OSBPL3: variants seen among roughly 807,000 people sequenced by gnomAD.
OSBPL3 encodes oxysterol binding protein like 3.
A neutral mutation model predicts 120.1 loss-of-function variants in OSBPL3; 65 were observed. The observed-to-expected ratio is 0.54, with a 90% CI of 0.44 to 0.67. The LOEUF is 0.67. Among genes scored for constraint, OSBPL3 ranks in the 30% least tolerant of loss-of-function variants. The pLI, the probability that OSBPL3 is intolerant of heterozygous loss-of-function variation, is 0.00. For missense variants in OSBPL3, 1,004 were observed against 1,082.1 expected (o/e 0.93, Z 1.01); for synonymous variants, 416 against 402.6 (o/e 1.03, Z -0.40).
chr7:24,877,587 C>T lies in OSBPL3; in HGVS notation c.97-5518G>A, dbSNP rs985317396. On this transcript the variant is annotated intron_variant, in intron 2 of 22. Coordinates refer to ENST00000313367, the MANE Select transcript of OSBPL3 (RefSeq NM_015550.4). The surrounding 1 kb of genome is among the most constrained non-coding windows in gnomAD (Gnocchi z 4.8). ...ATCCTACTACCTGGGAAATAGGGGC[C>T]GAAATAAATGTTTACTGAATGAGTC... Among the ~76,000 whole-genome samples the T allele has an allele frequency of 2.0e-5, 3 of 151,838 alleles. No homozygotes were observed. The highest frequency in any genetic ancestry group is 4.4e-5 in the Non-Finnish European group (3 of 67,980).
At chr7:24,927,433 C>T (rs1680254498) in intron 1 of OSBPL3, among the ~76,000 whole-genome samples, 1 of 152,148 alleles carries the variant, frequency 6.6e-6, no homozygotes, top group Non-Finnish European at 1.5e-5. Context: ...TCCTAGAGAA[C>T]AGAATAGCAC....
intron 13 of OSBPL3, among the ~76,000 whole-genome samples, chr7:24,841,920 G>A (rs1797823452): frequency 1.3e-5 from 2 of 151,140 alleles, no homozygotes; most frequent in African/African-American, 2.4e-5. Flanking sequence ...GGCTGAGGCT[G>A]GAGAATCACT....
rs1382629184 is a variant in OSBPL3 at position 24,797,872 on chromosome 7, T to TG, written c.*2310_*2311insC. On this transcript the variant is annotated 3_prime_UTR_variant, in exon 23 of 23. Coordinates refer to ENST00000313367, the MANE Select transcript of OSBPL3 (RefSeq NM_015550.4). This position sits in a 1 kb window ranked among gnomAD's most constrained non-coding sequence, Gnocchi z 4.8. ...ATGCCACGTTTCTGTTTTCTTCCTC[T>TG]TAAAACTATAAAATGTCCTAGAGAC... 6.6e-6 allele frequency: 1 copy of TG among 152,206 alleles called. No individual in the cohort carries two copies. Among genetic ancestry groups the TG allele is most frequent in the Non-Finnish European group, 1.5e-5 (1 of 68,026 alleles). 9.4% of individuals were successfully genotyped at this position (152,206 alleles called of 1,614,324 possible). A position where few individuals can be genotyped will look rare whatever the true frequency, so the allele number is the denominator to read the frequency against.
intron 1 of OSBPL3, among the ~76,000 whole-genome samples, chr7:24,934,282 A>G (rs989446683): frequency 6.6e-6 from 1 of 152,190 alleles, no homozygotes; most frequent in African/African-American, 2.4e-5. Context: ...CCCTTTCATT[A>G]TAATCCTTTC....
intron 10 of OSBPL3, among the ~76,000 whole-genome samples, chr7:24,857,232 A>T (rs56189454): frequency 2.6e-3 from 394 of 152,332 alleles, no homozygotes; most frequent in Admixed American, 4.2e-3. Flanking sequence ...TAGCTTTCAC[A>T]TTTGTGAATG....
At chr7:24,906,651 T>A (rs1807973726) in intron 1 of OSBPL3, 2 of 153,030 alleles carry the variant, frequency 1.3e-5, no homozygotes, top group African/African-American at 4.8e-5. Context: ...CACACATTCA[T>A]CTGTTGATGG....
chr7:24,870,603 T>C (rs1346484526), intron 5 of OSBPL3, 129 bp downstream of exon 5: 1 of 652,294 alleles, frequency 1.5e-6, no homozygotes, highest in Non-Finnish European at 2.8e-6. Flanking sequence ...ACACTGTACA[T>C]GAGAAACACT....
In OSBPL3 at chr7:24,833,542, C is replaced by T. The variant is rs1372501565; in HGVS notation, c.1746+944G>A. 8.5e-5 allele frequency among the ~76,000 whole-genome samples: 13 copies of T among 152,174 alleles called. No homozygotes were observed. The highest frequency in any genetic ancestry group is 1.5e-4 in the Non-Finnish European group (10 of 68,038). ...AGAATGTAGAAAATAATAGCATCCT[C>T]TATCAATGGGGAGTGTCGGCAGGGC... On this transcript the variant is annotated intron_variant, in intron 15 of 22. Transcript: ENST00000313367. The surrounding 1 kb of genome is among the most constrained non-coding windows in gnomAD (Gnocchi z 4.4).
At chr7:24,970,337 C>T (rs1816868213) in intron 1 of OSBPL3, among the ~76,000 whole-genome samples, 1 of 152,088 alleles carries the variant, frequency 6.6e-6, no homozygotes, top group East Asian at 1.9e-4. Flanking sequence ...AACTCCTGAC[C>T]TCAGGTGATC....
chr7:24,915,827 G>A (rs761010158), intron 1 of OSBPL3, among the ~76,000 whole-genome samples: 19 of 151,914 alleles, frequency 1.3e-4, no homozygotes, highest in Non-Finnish European at 2.2e-4. Flanking sequence ...CACCCACCTC[G>A]GCATCCCAAA....
rs772691416 is a variant in OSBPL3 at position 24,930,353 on chromosome 7, A to G, written c.-149-37732T>C. Among the ~76,000 whole-genome samples, 216 of 152,362 alleles carry G rather than the reference A, an allele frequency of 1.4e-3. 1 individual carries two copies. Among genetic ancestry groups the G allele is most frequent in the Non-Finnish European group, 1.5e-4 (10 of 68,030 alleles). ...ACTTTTTGTTGTCAATTCCTGTCTA[A>G]ACAAACAAATTTTATACTGCCTATC... On this transcript the variant is annotated intron_variant, in intron 1 of 22. Coordinates refer to ENST00000313367, the MANE Select transcript of OSBPL3 (RefSeq NM_015550.4). The surrounding 1 kb of genome is among the most constrained non-coding windows in gnomAD (Gnocchi z 4.4).
At chr7:24,948,656 C>A (rs1156261227) in intron 1 of OSBPL3, among the ~76,000 whole-genome samples, 1 of 152,204 alleles carries the variant, frequency 6.6e-6, no homozygotes, top group East Asian at 1.9e-4. Context: ...TTAAAAATCT[C>A]AGGATCCTTA....
chr7:24,861,898 TTTG>T, intron 9 of OSBPL3, 129 bp from the exon 10 acceptor site: 1 of 549,272 alleles, frequency 1.8e-6, no homozygotes, highest in Non-Finnish European at 2.9e-6. Flanking sequence ...TTTTTTTTTT[TTTG>T]GGGGGGATGG....
rs1248453158 is a variant in OSBPL3 at position 24,916,155 on chromosome 7, G to A, written c.-149-23534C>T. 6.6e-6 allele frequency among the ~76,000 whole-genome samples: 1 copy of A among 152,178 alleles called. No homozygotes were observed. Among genetic ancestry groups the A allele is most frequent in the Non-Finnish European group, 1.5e-5 (1 of 68,032 alleles). ...GTTTTCACCTCTCTTCTGAACCTAA[G>A]AGAACAAATACTCTTATGCTACAGA... On this transcript the variant is annotated intron_variant, in intron 1 of 22. Coordinates refer to ENST00000313367, the MANE Select transcript of OSBPL3 (RefSeq NM_015550.4). The surrounding 1 kb of genome is among the most constrained non-coding windows in gnomAD (Gnocchi z 4.9).
rs1320725526 is a variant in OSBPL3 at position 24,959,795 on chromosome 7, T to C, written c.-150+20091A>G. Among the ~76,000 whole-genome samples the C allele has an allele frequency of 6.6e-6, 1 of 152,250 alleles. No individual in the cohort carries two copies. The highest frequency in any genetic ancestry group is 1.5e-5 in the Non-Finnish European group (1 of 68,034). On this transcript the variant is annotated intron_variant, in intron 1 of 22. Transcript: ENST00000313367. This position sits in a 1 kb window ranked among gnomAD's most constrained non-coding sequence, Gnocchi z 4.3. ...GTTTTTCTAAATGCTGACATGCTTA[T>C]CGGCCACTTGTAAAACCCAGCTGAC... is the stretch of plus-strand genomic sequence containing the variant.
intron 12 of OSBPL3, among the ~76,000 whole-genome samples, chr7:24,843,248 C>CA (rs1237354948): frequency 6.6e-6 from 1 of 152,130 alleles, no homozygotes; most frequent in Non-Finnish European, 1.5e-5. Flanking sequence ...GTGGAATAGA[C>CA]AAAGTGCTGG....
In OSBPL3 at chr7:24,863,475, C is replaced by CAGAAGAGG. The variant is rs771282218; in HGVS notation, c.777+13_777+20dup. The CAGAAGAGG allele has an allele frequency of 6.3e-7, 1 of 1,576,812 alleles. No individual in the cohort carries two copies. Among genetic ancestry groups the CAGAAGAGG allele is most frequent in the South Asian group, 1.1e-5 (1 of 90,358 alleles). ...AAGCAGAAGAGGGCCAGAATGTCAA[C>CAGAAGAGG]AGAAGAGGAGTCCGGCTCACCTGGA... On this transcript the variant is annotated intron_variant, in intron 8 of 22. Transcript: ENST00000313367. The surrounding 1 kb of genome is among the most constrained non-coding windows in gnomAD (Gnocchi z 5.8).
intron 10 of OSBPL3, among the ~76,000 whole-genome samples, chr7:24,859,257 G>A (rs1800205651): frequency 6.6e-6 from 1 of 152,122 alleles, no homozygotes; most frequent in Non-Finnish European, 1.5e-5. Flanking sequence ...GAAGGCAATA[G>A]AGGGAATATC....
At chr7:24,969,175 T>C (rs944200753) in intron 1 of OSBPL3, among the ~76,000 whole-genome samples, 6 of 152,258 alleles carry the variant, frequency 3.9e-5, no homozygotes, top group Non-Finnish European at 8.8e-5. Context: ...TTTTGTGATG[T>C]CTGCCAACCC....
Sources: allele counts gnomAD v4.1 joint callset (sites outside exome capture counted in the v4.1 genomes callset), GRCh38; gene constraint gnomAD v4.1.1; non-coding constraint Gnocchi (gnomAD v3.1); transcripts MANE v1.5; gene names NCBI Gene and HGNC (gene_info 2026-07-23, HGNC 2026-07-21).